MAP3K20: variants seen among roughly 807,000 people sequenced by gnomAD.
MAP3K20 encodes HCCS-4.
MAP3K20 carries 40 observed loss-of-function variants against 85.7 expected under a neutral mutation model. That is an observed-to-expected ratio of 0.47 (90% confidence interval 0.36 to 0.61). MAP3K20 has a LOEUF of 0.61. Ranked by LOEUF, MAP3K20 falls within the 20% of genes least tolerant of loss-of-function variation. The pLI, the probability that MAP3K20 is intolerant of heterozygous loss-of-function variation, is 0.00. For missense variants in MAP3K20, 817 were observed against 961.7 expected (o/e 0.85, Z 1.99); for synonymous variants, 325 against 327.7 (o/e 0.99, Z 0.09).
At chr2:173,083,457 G>A (rs567523150) in intron 1 of MAP3K20, among the ~76,000 whole-genome samples, 2 of 151,996 alleles carry the variant, frequency 1.3e-5, no homozygotes, top group South Asian at 4.2e-4. Flanking sequence ...GGGCTCAAGC[G>A]ATCCTCCTGC....
intron 11 of MAP3K20, among the ~76,000 whole-genome samples, chr2:173,228,142 G>A (rs1012432155): frequency 6.6e-6 from 1 of 152,178 alleles, no homozygotes. Flanking sequence ...GAACAGGATC[G>A]ATTTCAGTGT....
intron 16 of MAP3K20, among the ~76,000 whole-genome samples, chr2:173,254,163 C>T (rs1261744260): frequency 1.3e-5 from 2 of 151,686 alleles, no homozygotes; most frequent in African/African-American, 4.8e-5. Flanking sequence ...CGCCTGTAAT[C>T]CCAGCACTTT....
intron 2 of MAP3K20, among the ~76,000 whole-genome samples, chr2:173,159,399 C>CTTTTTTTTTTTT (rs1418480038): frequency 1.6e-5 from 1 of 60,868 alleles, no homozygotes; most frequent in Admixed American, 2.4e-4. Flanking sequence ...TCCTTCCTTC[C>CTTTTTTTTTTTT]TTCTTTTTTT....
chr2:173,155,734 A>G (rs964134959), intron 2 of MAP3K20, among the ~76,000 whole-genome samples: 42 of 152,140 alleles, frequency 2.8e-4, no homozygotes, highest in African/African-American at 8.2e-4. Context: ...GGGTTTTGGC[A>G]AGTATGTTTT....
At chr2:173,167,950 A>G (rs939885209) in intron 2 of MAP3K20, among the ~76,000 whole-genome samples, 15 of 152,118 alleles carry the variant, frequency 9.9e-5, no homozygotes, top group African/African-American at 3.6e-4. Flanking sequence ...CATTAACTCT[A>G]TTGCTTTACT....
intron 2 of MAP3K20, among the ~76,000 whole-genome samples, chr2:173,138,534 C>T (rs1688870475): frequency 6.6e-6 from 1 of 152,122 alleles, no homozygotes; most frequent in African/African-American, 2.4e-5. Flanking sequence ...ATACAATACA[C>T]AAACTGAAAT....
At chr2:173,102,165 A>G (rs1311259280) in intron 2 of MAP3K20, among the ~76,000 whole-genome samples, 1 of 152,218 alleles carries the variant, frequency 6.6e-6, no homozygotes, top group East Asian at 1.9e-4. Context: ...GATAGGATAT[A>G]AATGAAAAGA....
intron 2 of MAP3K20, among the ~76,000 whole-genome samples, chr2:173,101,473 T>C (rs1023587624): frequency 6.6e-6 from 1 of 152,230 alleles, no homozygotes; most frequent in Non-Finnish European, 1.5e-5. Context: ...TTAGTTAATA[T>C]TTGTTCTACA....
At chr2:173,168,215 G>A (rs1689895044) in intron 2 of MAP3K20, among the ~76,000 whole-genome samples, 1 of 151,996 alleles carries the variant, frequency 6.6e-6, no homozygotes, top group Admixed American at 6.6e-5. Flanking sequence ...TCCTAGTTGA[G>A]AAACTAAACT....
intron 2 of MAP3K20, among the ~76,000 whole-genome samples, chr2:173,145,451 A>G (rs979335867): frequency 2.0e-5 from 3 of 152,232 alleles, no homozygotes; most frequent in Admixed American, 6.5e-5. Flanking sequence ...GATTTTCAAA[A>G]ATAGGTAGAG....
At chr2:173,230,338 T>G (rs578153137) in intron 12 of MAP3K20, among the ~76,000 whole-genome samples, 57 of 152,322 alleles carry the variant, frequency 3.7e-4, no homozygotes, top group Admixed American at 7.2e-4. Flanking sequence ...TATTAAATCT[T>G]TTTACAAGAA....
chr2:173,104,946 G>A (rs796963542), intron 2 of MAP3K20, among the ~76,000 whole-genome samples: 6 of 152,256 alleles, frequency 3.9e-5, no homozygotes, highest in African/African-American at 1.4e-4. Flanking sequence ...TGGAGAAATA[G>A]CAAGGGGGCC....
intron 16 of MAP3K20, among the ~76,000 whole-genome samples, chr2:173,249,207 G>A (rs968377815): frequency 6.6e-6 from 1 of 152,236 alleles, no homozygotes; most frequent in African/African-American, 2.4e-5. Flanking sequence ...GTCTATAGGA[G>A]AGAGATCTTT....
At chr2:173,130,023 T>C (rs970680769) in intron 2 of MAP3K20, among the ~76,000 whole-genome samples, 1 of 152,230 alleles carries the variant, frequency 6.6e-6, no homozygotes, top group Non-Finnish European at 1.5e-5. Flanking sequence ...GCAACATAAG[T>C]TGATATATTT....
intron 7 of MAP3K20, among the ~76,000 whole-genome samples, chr2:173,191,646 G>A (rs956478022): frequency 1.3e-5 from 2 of 152,148 alleles, no homozygotes; most frequent in African/African-American, 2.4e-5. Context: ...CTGATTCATC[G>A]GTTTCTAAAA....
At position 173,198,212 on chromosome 2, in the gene MAP3K20, G is replaced by A. The variant is rs921998229; in HGVS notation, c.669+100G>A. 5.3e-5 allele frequency: 59 copies of A among 1,113,484 alleles called. No homozygotes were observed. The highest frequency in any genetic ancestry group is 6.2e-5 in the Non-Finnish European group (48 of 770,604). 69.0% of individuals were successfully genotyped at this position (1,113,484 alleles called of 1,614,324 possible). A position where few individuals can be genotyped will look rare whatever the true frequency, so the allele number is the denominator to read the frequency against. ...TTCTTCAAATTGAAAGTAAGTTCACGCTTATGGAAAGATTAGCAGTAGGAG... is the reference window on the plus strand; with the variant it reads ...TTCTTCAAATTGAAAGTAAGTTCACACTTATGGAAAGATTAGCAGTAGGAG... On this transcript the variant is annotated intron_variant, in intron 8 of 19. Transcript: ENST00000375213. This position sits in a 1 kb window ranked among gnomAD's most constrained non-coding sequence, Gnocchi z 5.8.
chr2:173,159,300 G>C (rs942502654), intron 2 of MAP3K20, among the ~76,000 whole-genome samples: 3 of 132,608 alleles, frequency 2.3e-5, no homozygotes, highest in Non-Finnish European at 3.6e-5. Context: ...ATTCTTGTCT[G>C]TGTTTTTGTC....
At chr2:173,191,701 A>G (rs953834576) in intron 7 of MAP3K20, among the ~76,000 whole-genome samples, 4 of 152,240 alleles carry the variant, frequency 2.6e-5, no homozygotes, top group African/African-American at 9.6e-5. Context: ...GACCTTGTCC[A>G]TGTCTGCTGC....
chr2:173,224,744 C>G, intron 11 of MAP3K20: 2 of 985,396 alleles, frequency 2.0e-6, no homozygotes, highest in Non-Finnish European at 2.4e-6. Context: ...TAAAACATCC[C>G]TAAAATCTAA....
Sources: allele counts gnomAD v4.1 joint callset (sites outside exome capture counted in the v4.1 genomes callset), GRCh38; gene constraint gnomAD v4.1.1; non-coding constraint Gnocchi (gnomAD v3.1); transcripts MANE v1.5; gene names NCBI Gene and HGNC (gene_info 2026-07-23, HGNC 2026-07-21).